Variants in ABCB5 observed in about 807,000 individuals in gnomAD.
ABCB5 encodes ATP binding cassette subfamily B member 5, also known as ATP-binding cassette sub-family B member 5.
In ABCB5, 155 loss-of-function variants were observed where a neutral mutation model predicts 144.2. The ratio of observed to expected loss-of-function variants is 1.08; its 90% CI spans 0.94 to 1.23. The LOEUF is 1.23. Among genes scored for constraint, ABCB5 ranks in the 50% most tolerant of loss-of-function variants. The pLI is 0.00. For synonymous variants in ABCB5, 610 were observed against 528.6 expected, an observed-to-expected ratio of 1.15 and a Z score of -2.11; for missense variants, 1,830 against 1,520.8, an observed-to-expected ratio of 1.20 and a Z score of -3.38.
chr7:20,617,358 C>G (rs1351363816), intron 1 of ABCB5, among the ~76,000 whole-genome samples: 1 of 152,168 alleles, frequency 6.6e-6, no homozygotes, highest in Non-Finnish European at 1.5e-5. Flanking sequence ...TGTCTGATAT[C>G]TTTAACATGC....
intron 20 of ABCB5, among the ~76,000 whole-genome samples, chr7:20,715,857 C>T (rs934845327): frequency 2.6e-5 from 4 of 151,800 alleles, no homozygotes; most frequent in Admixed American, 1.3e-4. Context: ...TTAGCTGGGA[C>T]TACAGGTGCC....
chr7:20,642,631 T>G (rs751142457), intron 5 of ABCB5, among the ~76,000 whole-genome samples: 3 of 152,248 alleles, frequency 2.0e-5, no homozygotes, highest in Non-Finnish European at 4.4e-5. Flanking sequence ...GGGCACTCAG[T>G]ATACATTTAT....
At position 20,666,802 on chromosome 7, in the gene ABCB5, T is replaced by C. The variant is rs565175831; in HGVS notation, c.1707+8126T>C. The C allele has an allele frequency of 2.4e-5, 38 of 1,589,868 alleles. No homozygotes were observed. The East Asian group carries it at 7.2e-4, about 30-fold the overall frequency. On this transcript the variant is annotated intron_variant, in intron 14 of 27. Coordinates refer to ENST00000404938, the MANE Select transcript of ABCB5 (RefSeq NM_001163941.2). ...GACGTATTGATAATCTACCACACTA[T>C]CTACGTTGAGGTATCTGGAACCACA...
intron 16 of ABCB5, 118 bp from the exon 17 acceptor site, chr7:20,698,289 C>A: frequency 1.2e-6 from 1 of 818,504 alleles, no homozygotes; most frequent in Non-Finnish European, 1.7e-6. Context: ...ATATTTTCTA[C>A]CCTGCTGTCT....
rs1335929756 is a variant in ABCB5, at chr7:20,751,137, A to C, written c.3430-2223A>C. 2.6e-5 allele frequency among the ~76,000 whole-genome samples: 4 copies of C among 152,174 alleles called. No homozygotes were observed. The East Asian group carries it at 7.7e-4, about 29-fold the overall frequency. ...TGACTTTTAGCTCCGGTTCATATTA[A>C]GGAGCCATTACCCCTTGAGTTTCTC... On this transcript the variant is annotated intron_variant, in intron 26 of 27. Coordinates refer to ENST00000404938, the MANE Select transcript of ABCB5 (RefSeq NM_001163941.2).
chr7:20,674,749 T>TA (rs1554283408), intron 14 of ABCB5, among the ~76,000 whole-genome samples: 4 of 140,348 alleles, frequency 2.9e-5, no homozygotes, highest in African/African-American at 1.0e-4. Context: ...CTCTAAAGAC[T>TA]ACACACACAC....
At chr7:20,723,274 A>C in intron 21 of ABCB5, 55 bp downstream of exon 21, 1 of 1,528,002 alleles carries the variant, frequency 6.5e-7, no homozygotes, top group Non-Finnish European at 9.0e-7. Context: ...AACAGTCAGA[A>C]CTTTATGATA....
intron 5 of ABCB5, among the ~76,000 whole-genome samples, chr7:20,642,927 A>C (rs1171397569): frequency 1.3e-5 from 2 of 152,242 alleles, no homozygotes; most frequent in Non-Finnish European, 2.9e-5. Context: ...TATTAAAAAT[A>C]CTGAAAGAAG....
chr7:20,668,834 G>C (rs796306038), intron 14 of ABCB5, among the ~76,000 whole-genome samples: 11 of 85,048 alleles, frequency 1.3e-4, no homozygotes, highest in South Asian at 1.0e-3. Context: ...CAGCCGCCCC[G>C]TCCGGGAGGG....
intron 5 of ABCB5, chr7:20,642,087 C>T (rs576919741): frequency 7.0e-4 from 106 of 152,276 alleles, no homozygotes; most frequent in African/African-American, 2.5e-3. Flanking sequence ...TGCTTTCATC[C>T]GTTCTCCACA....
chr7:20,702,828 A>ATTTTTTTTTT (rs5882755), intron 19 of ABCB5, among the ~76,000 whole-genome samples: 2 of 114,122 alleles, frequency 1.8e-5, no homozygotes, highest in African/African-American at 3.3e-5. Flanking sequence ...CGCCTGGCTA[A>ATTTTTTTTTT]TTTTTTTTTT....
In ABCB5 at chr7:20,700,118, A is replaced by C; in HGVS notation, c.2320A>C (p.Lys774Gln). The C allele has an allele frequency of 6.2e-7, 1 of 1,612,510 alleles. No individual in the cohort carries two copies. The change falls in exon 19 of 28, where the codon AAA becomes CAA. Residue 774 changes from lysine to glutamine, a missense_variant. Lys to Gln is a moderately conservative substitution (Grantham distance 53). Coordinates refer to ENST00000404938, the MANE Select transcript of ABCB5 (RefSeq NM_001163941.2). ...GATGAGATTAAGACACTTGGCCTTC[A>C]AAGCCATGTTATATCAGGTCAGTGA... ...LTMRLRHLAF[K>Q]AMLYQDIAWF...
At position 20,647,611 on chromosome 7, in the gene ABCB5, G is replaced by A. The variant is rs1490611073; in HGVS notation, c.1058G>A (p.Arg353Gln). The change falls in exon 10 of 28, where the codon CGA becomes CAA. Residue 353 changes from arginine (R) to glutamine (Q), a missense_variant. Transcript: ENST00000404938. ...CACTTTGAAACCTTCGCAATAGCCCGAGGAGCTGCCTTTCATATTTTCCAG... is the reference window on the plus strand; with the variant it reads ...CACTTTGAAACCTTCGCAATAGCCCAAGGAGCTGCCTTTCATATTTTCCAG... ...VPHFETFAIARGAAFHIFQVI... is the reference protein window; with the variant it reads ...VPHFETFAIAQGAAFHIFQVI... The A allele has an allele frequency of 7.6e-6, 12 of 1,583,138 alleles. No homozygotes were observed. Among genetic ancestry groups the A allele is most frequent in the South Asian group, 2.3e-5 (2 of 86,508 alleles).
chr7:20,666,433 G>A (rs1465390852), intron 14 of ABCB5, among the ~76,000 whole-genome samples: 1 of 152,152 alleles, frequency 6.6e-6, no homozygotes, highest in Non-Finnish European at 1.5e-5. Context: ...TTTTCCTGCT[G>A]CCCTCTATGT....
At chr7:20,731,182 G>A (rs182851372) in intron 23 of ABCB5, among the ~76,000 whole-genome samples, 7 of 151,594 alleles carry the variant, frequency 4.6e-5, no homozygotes, top group Non-Finnish European at 7.4e-5. Context: ...GTGAAACCCC[G>A]TCTCTACTAA....
intron 20 of ABCB5, among the ~76,000 whole-genome samples, chr7:20,722,666 A>T (rs770437863): frequency 1.3e-5 from 2 of 152,048 alleles, no homozygotes; most frequent in Middle Eastern, 3.2e-3. Context: ...CTAAAAATAT[A>T]AAAAAATTAG....
intron 14 of ABCB5, chr7:20,659,284 A>T (rs1784918808): frequency 6.8e-7 from 1 of 1,462,348 alleles, no homozygotes; most frequent in Non-Finnish European, 9.0e-7. Context: ...ATGAAAAACC[A>T]TTGAACAGTT....
At chr7:20,663,713 CTT>C (rs34871735) in intron 14 of ABCB5, among the ~76,000 whole-genome samples, 9,215 of 107,422 alleles carry the variant, frequency 0.086, 879 homozygotes, top group African/African-American at 0.31. Context: ...TTATGTTAGG[CTT>C]TTTTTTTTTT....
intron 5 of ABCB5, among the ~76,000 whole-genome samples, chr7:20,634,938 T>C (rs950771766): frequency 2.0e-5 from 3 of 152,194 alleles, no homozygotes; most frequent in Admixed American, 2.0e-4. Flanking sequence ...TCGGTTTTGT[T>C]GCATTTGTTT....
Sources: gnomAD v4.1 joint callset for allele counts (sites outside exome capture counted in the v4.1 genomes callset) on GRCh38, gnomAD v4.1.1 for gene constraint, MANE v1.5 for transcripts, NCBI Gene and HGNC (gene_info 2026-07-23, HGNC 2026-07-21) for gene names.